SPAG16: variants seen among roughly 807,000 people sequenced by gnomAD.
The protein encoded by SPAG16 is sperm-associated antigen 16 protein.
In SPAG16, 86 loss-of-function variants were observed where a neutral mutation model predicts 80.4. The ratio of observed to expected loss-of-function variants is 1.07; its 90% confidence interval spans 0.90 to 1.28. The LOEUF is 1.28. SPAG16 is among the 50% of genes most tolerant of loss of function. The pLI, the probability that SPAG16 is intolerant of heterozygous loss-of-function variation, is 0.00. For missense variants in SPAG16, 870 were observed against 765.3 expected, an observed-to-expected ratio of 1.14 and a Z score of -1.61; for synonymous variants, 294 against 265.9, an observed-to-expected ratio of 1.11 and a Z score of -1.03.
At position 213,306,789 on chromosome 2, in the gene SPAG16, A is replaced by G. The variant is rs771557903; in HGVS notation, c.280-3270A>G. Among the ~76,000 whole-genome samples, 17 of 152,050 alleles carry G rather than the reference A, an allele frequency of 1.1e-4. 2 individuals carry two copies. The South Asian group carries it at 3.3e-3, about 30-fold the overall frequency. ...CTACAGTCTCCCTCCCACAGGACAG[A>G]GATTTTCTCTCCATGCCACTTGGCC... On this transcript the variant is annotated intron_variant, in intron 3 of 15. Transcript: ENST00000331683.
intron 15 of SPAG16, among the ~76,000 whole-genome samples, chr2:214,357,677 A>G (rs1304875380): frequency 6.6e-6 from 1 of 151,956 alleles, no homozygotes; most frequent in African/African-American, 2.4e-5. Context: ...ACTATTATCT[A>G]CAATCTTTGT....
intron 11 of SPAG16, among the ~76,000 whole-genome samples, chr2:213,888,872 G>A (rs1380382704): frequency 6.6e-6 from 1 of 151,906 alleles, no homozygotes; most frequent in Non-Finnish European, 1.5e-5. Context: ...GGATAAAAAT[G>A]CTAATATAGT....
At chr2:214,405,664 G>A (rs1665241415) in intron 15 of SPAG16, among the ~76,000 whole-genome samples, 1 of 152,112 alleles carries the variant, frequency 6.6e-6, no homozygotes, top group South Asian at 2.1e-4. Flanking sequence ...GGCCGTGGTG[G>A]CAGGCATCTA....
chr2:213,460,038 C>T (rs1411661013), intron 9 of SPAG16, among the ~76,000 whole-genome samples: 2 of 152,178 alleles, frequency 1.3e-5, no homozygotes, highest in African/African-American at 4.8e-5. Flanking sequence ...AGATTTCAGT[C>T]CCTCCACTGT....
At chr2:213,953,515 T>C (rs1250946033) in intron 12 of SPAG16, among the ~76,000 whole-genome samples, 2 of 151,660 alleles carry the variant, frequency 1.3e-5, no homozygotes, top group Admixed American at 1.3e-4. Context: ...AAGGTAAAAA[T>C]CTTTATACAC....
intron 11 of SPAG16, among the ~76,000 whole-genome samples, chr2:213,879,276 C>T (rs2098977): frequency 0.59 from 90,087 of 151,450 alleles, 28,668 homozygotes; most frequent in South Asian, 0.85. Context: ...CCAATTCATG[C>T]GCATGAGATG....
chr2:213,702,310 C>G (rs1050456077), intron 10 of SPAG16, among the ~76,000 whole-genome samples: 1 of 152,246 alleles, frequency 6.6e-6, no homozygotes, highest in Admixed American at 6.5e-5. Flanking sequence ...CCAGCTGCGG[C>G]AACCCGCTTG....
chr2:213,308,241 T>C (rs2063034188), intron 3 of SPAG16, among the ~76,000 whole-genome samples: 1 of 152,192 alleles, frequency 6.6e-6, no homozygotes, highest in Admixed American at 6.6e-5. Context: ...AATTATTTTA[T>C]TTATTTTGTA....
At chr2:213,927,501 C>G (rs1455664355) in intron 11 of SPAG16, among the ~76,000 whole-genome samples, 1 of 151,992 alleles carries the variant, frequency 6.6e-6, no homozygotes, top group African/African-American at 2.4e-5. Flanking sequence ...ATATTTCAGG[C>G]CATGTTTTTG....
chr2:214,068,377 G>A (rs1165916775), intron 13 of SPAG16, among the ~76,000 whole-genome samples: 1 of 151,964 alleles, frequency 6.6e-6, no homozygotes, highest in African/African-American at 2.4e-5. Flanking sequence ...CAGAATAAAA[G>A]GCATATTTTA....
intron 10 of SPAG16, among the ~76,000 whole-genome samples, chr2:213,529,108 A>G (rs777423498): frequency 2.0e-5 from 3 of 152,222 alleles, no homozygotes; most frequent in African/African-American, 4.8e-5. Context: ...TAATGAAACT[A>G]TTCTCTACTT....
chr2:213,532,662 T>G (rs140958595), intron 10 of SPAG16, among the ~76,000 whole-genome samples: 3,068 of 151,602 alleles, frequency 0.02, 42 homozygotes, highest in Middle Eastern at 0.051. Flanking sequence ...GTGGTTTCAC[T>G]ATGTTGTCCA....
At chr2:213,874,176 T>C (rs1361253896) in intron 11 of SPAG16, among the ~76,000 whole-genome samples, 2 of 152,140 alleles carry the variant, frequency 1.3e-5, no homozygotes, top group African/African-American at 2.4e-5. Context: ...TGAGAAGGCC[T>C]AGGACATTAC....
chr2:213,511,681 G>T (rs2075231012), intron 10 of SPAG16, among the ~76,000 whole-genome samples: 1 of 151,644 alleles, frequency 6.6e-6, no homozygotes, highest in Non-Finnish European at 1.5e-5. Flanking sequence ...TTTTAGCATT[G>T]TATTTTAAAT....
At chr2:213,943,480 A>G (rs1375553292) in intron 12 of SPAG16, among the ~76,000 whole-genome samples, 1 of 152,162 alleles carries the variant, frequency 6.6e-6, no homozygotes, top group East Asian at 1.9e-4. Context: ...AAAAATTGGG[A>G]AACATGTTAT....
At chr2:214,108,476 CA>C (rs763934336) in intron 14 of SPAG16, among the ~76,000 whole-genome samples, 34 of 110,580 alleles carry the variant, frequency 3.1e-4, no homozygotes, top group East Asian at 2.7e-3. Context: ...CACACACACA[CA>C]CACCCCCACA....
chr2:214,092,576 A>AT (rs2052292917), intron 13 of SPAG16, among the ~76,000 whole-genome samples: 1 of 151,440 alleles, frequency 6.6e-6, no homozygotes, highest in Non-Finnish European at 1.5e-5. Context: ...AACAAATCAA[A>AT]TTTTTTCCTG....
chr2:214,385,943 C>T (rs1186402070), intron 15 of SPAG16, among the ~76,000 whole-genome samples: 1 of 152,190 alleles, frequency 6.6e-6, no homozygotes, highest in Non-Finnish European at 1.5e-5. Flanking sequence ...ACAATAAAGT[C>T]ATTGTATTGA....
chr2:214,185,826 C>CACAATA (rs2057450216), intron 15 of SPAG16, among the ~76,000 whole-genome samples: 1 of 152,132 alleles, frequency 6.6e-6, no homozygotes, highest in East Asian at 1.9e-4. Flanking sequence ...AAAGCAGCCC[C>CACAATA]ACAATACACA....
Sources: gnomAD v4.1 joint callset for allele counts (sites outside exome capture counted in the v4.1 genomes callset) on GRCh38, gnomAD v4.1.1 for gene constraint, MANE v1.5 for transcripts, NCBI Gene and HGNC (gene_info 2026-07-23, HGNC 2026-07-21) for gene names.